MARCHF3: variants seen among roughly 807,000 people sequenced by gnomAD.
The protein encoded by MARCHF3 is E3 ubiquitin-protein ligase MARCHF3.
A neutral mutation model predicts 24.2 loss-of-function variants in MARCHF3; 13 were observed. The observed-to-expected ratio is 0.54, with a 90% CI of 0.35 to 0.85. MARCHF3 has a LOEUF of 0.85. Ranked by LOEUF, MARCHF3 falls within the 40% of genes least tolerant of loss-of-function variation. The pLI, the probability that MARCHF3 is intolerant of heterozygous loss-of-function variation, is 0.01. For synonymous variants in MARCHF3, 144 were observed against 137.3 expected (o/e 1.05, Z -0.34); for missense variants, 276 against 325.0 (o/e 0.85, Z 1.16).
intron 1 of MARCHF3, among the ~76,000 whole-genome samples, chr5:126,979,948 CAA>C (rs757849978): frequency 2.2e-4 from 10 of 44,916 alleles, no homozygotes; most frequent in African/African-American, 5.9e-4. Flanking sequence ...AACTCCATCT[CAA>C]AAAAAAAAAA....
chr5:126,937,163 G>A (rs377743491), intron 1 of MARCHF3, among the ~76,000 whole-genome samples: 3 of 152,282 alleles, frequency 2.0e-5, no homozygotes, highest in Admixed American at 6.5e-5. Flanking sequence ...TGTAACAAAC[G>A]GTCATCAGTG....
At chr5:127,014,197 T>G (rs996794060) in intron 1 of MARCHF3, among the ~76,000 whole-genome samples, 7 of 151,946 alleles carry the variant, frequency 4.6e-5, no homozygotes, top group Non-Finnish European at 8.8e-5. Context: ...AACAACTCAA[T>G]AGCAAAAAAT....
At chr5:126,906,459 C>G (rs370721298) in intron 3 of MARCHF3, among the ~76,000 whole-genome samples, 14 of 152,182 alleles carry the variant, frequency 9.2e-5, no homozygotes, top group Non-Finnish European at 1.2e-4. Flanking sequence ...GACTCTTTTT[C>G]GTTGGTAAGC....
In MARCHF3 at chr5:126,921,532, C is replaced by T. The variant is rs57448612; in HGVS notation, c.-56-3305G>A. ...TCTAGTTCAAAGCCACCTGGGAAAA[C>T]AGCAGGCTGTTGCCGAGGATGCTAG... On this transcript the variant is annotated intron_variant, in intron 1 of 4. Transcript: ENST00000308660. 8.4e-3 allele frequency among the ~76,000 whole-genome samples: 1,285 copies of T among 152,336 alleles called. 19 individuals are homozygous for T. Among genetic ancestry groups the T allele is most frequent in the East Asian group, 0.026 (133 of 5,186 alleles).
intron 1 of MARCHF3, among the ~76,000 whole-genome samples, chr5:126,979,948 C>CA (rs757849978): frequency 0.072 from 3,068 of 42,870 alleles, 105 homozygotes; most frequent in African/African-American, 0.091. Context: ...AACTCCATCT[C>CA]AAAAAAAAAA....
chr5:127,027,454 T>C (rs1193661202), intron 1 of MARCHF3, among the ~76,000 whole-genome samples: 2 of 152,148 alleles, frequency 1.3e-5, no homozygotes, highest in Non-Finnish European at 2.9e-5. Flanking sequence ...GGATTCTACC[T>C]TGCAGGAGGA....
intron 3 of MARCHF3, among the ~76,000 whole-genome samples, chr5:126,898,259 A>T (rs1202542551): frequency 6.6e-6 from 1 of 152,030 alleles, no homozygotes; most frequent in African/African-American, 2.4e-5. Context: ...AGACTGGAAG[A>T]CCCTTTAGTT....
intron 1 of MARCHF3, among the ~76,000 whole-genome samples, chr5:126,922,512 TTTTATTTATTTATTTATTTATTTA>T (rs58540964): frequency 7.0e-6 from 1 of 142,820 alleles, no homozygotes; most frequent in Non-Finnish European, 1.5e-5. Context: ...CATTTCTGTC[TTTTATTTATTTATTTATTTATTTA>T]TTTATTTATT....
At chr5:126,932,544 G>C (rs946782317) in intron 1 of MARCHF3, among the ~76,000 whole-genome samples, 1 of 152,190 alleles carries the variant, frequency 6.6e-6, no homozygotes, top group Non-Finnish European at 1.5e-5. Context: ...GGGAGGATGG[G>C]CCAGAGCTTG....
chr5:126,938,633 C>A (rs1212363927), intron 1 of MARCHF3, among the ~76,000 whole-genome samples: 1 of 151,974 alleles, frequency 6.6e-6, no homozygotes, highest in Non-Finnish European at 1.5e-5. Context: ...GATACAATTT[C>A]TCTTCATATT....
chr5:126,959,493 G>C (rs760197758), intron 1 of MARCHF3, among the ~76,000 whole-genome samples: 3 of 152,162 alleles, frequency 2.0e-5, no homozygotes, highest in Non-Finnish European at 2.9e-5. Context: ...TAGGCTCCTG[G>C]ATGGGATCCT....
chr5:126,940,727 G>A (rs1160851161), intron 1 of MARCHF3, among the ~76,000 whole-genome samples: 2 of 151,412 alleles, frequency 1.3e-5, no homozygotes, highest in African/African-American at 2.4e-5. Flanking sequence ...GATTACAGGT[G>A]TGAGCCACTG....
chr5:126,887,627 C>A (rs978565511), intron 3 of MARCHF3, among the ~76,000 whole-genome samples: 1 of 152,148 alleles, frequency 6.6e-6, no homozygotes, highest in Non-Finnish European at 1.5e-5. Context: ...GCCAAAGGGT[C>A]CAGAAAAGTT....
intron 1 of MARCHF3, among the ~76,000 whole-genome samples, chr5:126,982,967 C>G (rs1357764842): frequency 1.3e-5 from 2 of 152,196 alleles, no homozygotes; most frequent in Non-Finnish European, 2.9e-5. Flanking sequence ...GACCTTACAG[C>G]TAATCCTGAC....
intron 3 of MARCHF3, among the ~76,000 whole-genome samples, chr5:126,892,725 A>G (rs1340860049): frequency 2.0e-5 from 3 of 149,942 alleles, no homozygotes; most frequent in Middle Eastern, 3.4e-3. Context: ...ATCAATGTTC[A>G]TCAAGGATAT....
chr5:126,915,158 G>C (rs373332670), intron 2 of MARCHF3, 24 bp from the exon 3 acceptor site: 3 of 1,608,502 alleles, frequency 1.9e-6, no homozygotes, highest in South Asian at 1.1e-5. Context: ...AGGGGCACCT[G>C]CTGGTCACTG....
intron 3 of MARCHF3, chr5:126,899,117 A>T (rs1310226894): frequency 1.0e-6 from 1 of 985,220 alleles, no homozygotes; most frequent in East Asian, 1.1e-4. Flanking sequence ...TATCCCAAAC[A>T]ATCTCACAGC....
At chr5:126,952,268 T>C (rs1363149086) in intron 1 of MARCHF3, among the ~76,000 whole-genome samples, 1 of 152,146 alleles carries the variant, frequency 6.6e-6, no homozygotes, top group East Asian at 1.9e-4. Context: ...AGCTAGACTC[T>C]TTTTATTAGG....
intron 1 of MARCHF3, among the ~76,000 whole-genome samples, chr5:126,956,645 CAAAAAAAA>C (rs60640113): frequency 1.5e-4 from 3 of 20,598 alleles, no homozygotes; most frequent in African/African-American, 6.5e-4. Context: ...GCTCTGTCTC[CAAAAAAAA>C]AAAAAAAAAA....
Sources: gnomAD v4.1 joint callset for allele counts (sites outside exome capture counted in the v4.1 genomes callset) on GRCh38, gnomAD v4.1.1 for gene constraint, MANE v1.5 for transcripts, NCBI Gene and HGNC (gene_info 2026-07-23, HGNC 2026-07-21) for gene names.